KCNQ4: variants seen among roughly 807,000 people sequenced by gnomAD.
The protein encoded by KCNQ4 is potassium voltage-gated channel subfamily KQT member 4.
A neutral mutation model predicts 72.6 loss-of-function variants in KCNQ4; 31 were observed. That is an observed-to-expected ratio of 0.43 (90% CI 0.32 to 0.58). The LOEUF (loss-of-function observed/expected upper bound fraction) is 0.58. Ranked by LOEUF, KCNQ4 falls within the 20% of genes least tolerant of loss-of-function variation. KCNQ4 has a pLI of 0.08. For synonymous variants in KCNQ4, 405 were observed against 403.7 expected (o/e 1.00, Z -0.04); for missense variants, 869 against 962.6 (o/e 0.90, Z 1.29).
At chr1:40,831,963 C>T (rs941499777) in intron 10 of KCNQ4, among the ~76,000 whole-genome samples, 1 of 152,250 alleles carries the variant, frequency 6.6e-6, no homozygotes, top group African/African-American at 2.4e-5. Flanking sequence ...GTCTATTCAG[C>T]TCCAAAGCCC....
intron 11 of KCNQ4, among the ~76,000 whole-genome samples, chr1:40,834,543 G>A (rs893664220): frequency 3.3e-5 from 5 of 151,274 alleles, no homozygotes; most frequent in African/African-American, 1.2e-4. Context: ...CCAGGAGTTC[G>A]AGACCAGCCT....
chr1:40,790,100 C>T (rs966060805), intron 1 of KCNQ4, among the ~76,000 whole-genome samples: 2 of 152,170 alleles, frequency 1.3e-5, no homozygotes, highest in Non-Finnish European at 2.9e-5. Context: ...AGCTGTCCTG[C>T]GGGGAGTGAA....
intron 1 of KCNQ4, among the ~76,000 whole-genome samples, chr1:40,805,504 C>A (rs1647730313): frequency 6.6e-6 from 1 of 152,178 alleles, no homozygotes; most frequent in Admixed American, 6.5e-5. Flanking sequence ...AGGCACCCTT[C>A]TGGCTCAGAT....
At chr1:40,834,288 G>A (rs1013278470) in intron 11 of KCNQ4, among the ~76,000 whole-genome samples, 2 of 152,084 alleles carry the variant, frequency 1.3e-5, no homozygotes, top group African/African-American at 4.8e-5. Flanking sequence ...CAAGCCATGG[G>A]AGTCATCCTG....
chr1:40,811,881 C>T (rs1166673552), intron 1 of KCNQ4, among the ~76,000 whole-genome samples: 1 of 152,246 alleles, frequency 6.6e-6, no homozygotes, highest in East Asian at 1.9e-4. Context: ...AGCCAGCACC[C>T]ATGTTTCATC....
chr1:40,803,085 C>A (rs576464242), intron 1 of KCNQ4, among the ~76,000 whole-genome samples: 1 of 152,238 alleles, frequency 6.6e-6, no homozygotes, highest in East Asian at 1.9e-4. Context: ...TATCATTATT[C>A]AATTATGGGA....
At chr1:40,785,007 C>G (rs889034517) in intron 1 of KCNQ4, among the ~76,000 whole-genome samples, 5 of 152,226 alleles carry the variant, frequency 3.3e-5, no homozygotes, top group African/African-American at 1.2e-4. Flanking sequence ...TTCGCTCAGT[C>G]TTCCCCTCCA....
intron 1 of KCNQ4, among the ~76,000 whole-genome samples, chr1:40,814,737 T>C (rs1467022815): frequency 6.6e-6 from 1 of 151,444 alleles, no homozygotes; most frequent in African/African-American, 2.4e-5. Context: ...AAATAGAAAA[T>C]ACAGATAAGC....
At chr1:40,799,341 G>C (rs1647506959) in intron 1 of KCNQ4, among the ~76,000 whole-genome samples, 1 of 152,190 alleles carries the variant, frequency 6.6e-6, no homozygotes, top group South Asian at 2.1e-4. Context: ...AGATGATTGG[G>C]GTGCAGAGCA....
At chr1:40,827,163 C>T (rs769358685) in intron 9 of KCNQ4, among the ~76,000 whole-genome samples, 9 of 152,150 alleles carry the variant, frequency 5.9e-5, no homozygotes, top group African/African-American at 2.2e-4. Flanking sequence ...GCTCTTTTAG[C>T]GGCATCTCCA....
chr1:40,829,379 G>T (rs980127243), intron 9 of KCNQ4, among the ~76,000 whole-genome samples: 1 of 152,166 alleles, frequency 6.6e-6, no homozygotes, highest in Non-Finnish European at 1.5e-5. Flanking sequence ...TGGAGAGCAT[G>T]CTGGATAGTG....
chr1:40,810,880 A>G (rs1338000614), intron 1 of KCNQ4, among the ~76,000 whole-genome samples: 1 of 152,188 alleles, frequency 6.6e-6, no homozygotes, highest in Non-Finnish European at 1.5e-5. Context: ...CCGGTGGTCC[A>G]GGTGGTCTTG....
intron 5 of KCNQ4, 23 bp from the exon 6 acceptor site, chr1:40,819,852 C>CTGTA (rs1648231103): frequency 1.3e-6 from 2 of 1,575,522 alleles, no homozygotes; most frequent in Non-Finnish European, 1.7e-6. Flanking sequence ...CCAGTCCTGC[C>CTGTA]TGTAACCTGT....
At chr1:40,799,439 C>CA (rs974536586) in intron 1 of KCNQ4, among the ~76,000 whole-genome samples, 2 of 151,700 alleles carry the variant, frequency 1.3e-5, no homozygotes, top group East Asian at 1.9e-4. Context: ...CATGCCCCCC[C>CA]CCTCGCTAGG....
intron 1 of KCNQ4, among the ~76,000 whole-genome samples, chr1:40,791,286 G>C (rs1276892741): frequency 6.6e-6 from 1 of 152,158 alleles, no homozygotes; most frequent in Non-Finnish European, 1.5e-5. Flanking sequence ...AAATGAGAGA[G>C]ACTGCTGTCT....
At chr1:40,822,550 T>G in intron 8 of KCNQ4, 148 bp downstream of exon 8, 1 of 665,594 alleles carries the variant, frequency 1.5e-6, no homozygotes, top group Non-Finnish European at 2.7e-6. Context: ...CCTATGTAAT[T>G]CAGAGCCTGG....
intron 1 of KCNQ4, among the ~76,000 whole-genome samples, chr1:40,793,004 C>CTTTCTT (rs1422137047): frequency 1.8e-5 from 2 of 109,076 alleles, no homozygotes; most frequent in African/African-American, 3.7e-5. Flanking sequence ...TTCTTTCTTT[C>CTTTCTT]TTTTTTTTTT....
intron 7 of KCNQ4, 43 bp from the exon 8 acceptor site, chr1:40,822,271 G>A (rs1648321630): frequency 6.7e-7 from 1 of 1,483,134 alleles, no homozygotes; most frequent in Non-Finnish European, 9.4e-7. Context: ...GGGACTGAGA[G>A]GCCTCACTGA....
At chr1:40,835,617 G>A (rs1164399581) in intron 12 of KCNQ4, among the ~76,000 whole-genome samples, 1 of 152,236 alleles carries the variant, frequency 6.6e-6, no homozygotes, top group Non-Finnish European at 1.5e-5. Context: ...GAAATAGTCA[G>A]TGGGCATTTA....
Sources: allele counts gnomAD v4.1 joint callset (sites outside exome capture counted in the v4.1 genomes callset), GRCh38; gene constraint gnomAD v4.1.1; transcripts MANE v1.5; gene names NCBI Gene and HGNC (gene_info 2026-07-23, HGNC 2026-07-21).